CD3E: variants seen among roughly 807,000 people sequenced by gnomAD.
CD3E encodes the protein CD3 epsilon subunit of T-cell receptor complex.
Under a neutral mutation model 34.7 loss-of-function variants are expected in CD3E, and 16 were observed. The ratio of observed to expected loss-of-function variants is 0.46; its 90% CI spans 0.31 to 0.70. The LOEUF is 0.70. CD3E is among the 30% of genes least tolerant of loss of function. The probability of loss-of-function intolerance (pLI) is 0.05; values close to 1 mark genes in which losing one functional copy is unlikely to be tolerated. For missense variants in CD3E, 223 were observed against 253.9 expected, an observed-to-expected ratio of 0.88 and a Z score of 0.83; for synonymous variants, 70 against 90.8, an observed-to-expected ratio of 0.77 and a Z score of 1.30.
chr11:118,307,917 C>T (rs960166324), intron 3 of CD3E, among the ~76,000 whole-genome samples: 6 of 152,118 alleles, frequency 3.9e-5, no homozygotes, highest in African/African-American at 1.4e-4. Context: ...ACCTGTAATC[C>T]CAGCACTTTG....
intron 2 of CD3E, 25 bp from the exon 3 acceptor site, chr11:118,307,262 CT>C (rs563782349): frequency 5.1e-5 from 79 of 1,558,092 alleles, no homozygotes; most frequent in East Asian, 2.9e-4. Context: ...TTTACTAACA[CT>C]TTTTTTTTCT....
At chr11:118,312,273 T>C (rs1948139700) in intron 5 of CD3E, 103 bp downstream of exon 5, 15 of 1,020,312 alleles carry the variant, frequency 1.5e-5, no homozygotes, top group African/African-American at 3.2e-5. Flanking sequence ...AACTGATATC[T>C]TCCCAGCATT....
chr11:118,312,811 C>T lies in CD3E; in HGVS notation c.297C>T (p.Tyr99=), dbSNP rs143203193. 2 of 1,614,112 alleles carry T rather than the reference C, an allele frequency of 1.2e-6. No individual in the cohort carries two copies. Among genetic ancestry groups the T allele is most frequent in the Non-Finnish European group, 1.7e-6 (2 of 1,180,000 alleles). ...AGCAAAGTGGTTATTATGTCTGCTA[C>T]CCCAGAGGAAGCAAACCAGAAGATG... ...ELEQSGYYVC[Y]PRGSKPEDAN... is the part of the protein sequence containing the mutation. The change falls in exon 6 of 9, where the codon TAC becomes TAT. Residue 99 remains tyrosine (Y), a synonymous_variant. Coordinates refer to ENST00000361763, the MANE Select transcript of CD3E (RefSeq NM_000733.4).
intron 1 of CD3E, 34 bp from the exon 2 acceptor site, chr11:118,304,860 T>C: frequency 9.2e-7 from 1 of 1,087,720 alleles, no homozygotes; most frequent in Non-Finnish European, 1.4e-6. Flanking sequence ...TAGCAGATGT[T>C]TTGAAAAAGT....
intron 2 of CD3E, among the ~76,000 whole-genome samples, chr11:118,306,313 T>C (rs1035245304): frequency 2.6e-5 from 4 of 151,792 alleles, no homozygotes; most frequent in Admixed American, 1.3e-4. Flanking sequence ...CTGGGCAAAG[T>C]AGTGAAACCC....
chr11:118,305,847 C>T (rs537021799), intron 2 of CD3E, among the ~76,000 whole-genome samples: 1 of 152,168 alleles, frequency 6.6e-6, no homozygotes, highest in African/African-American at 2.4e-5. Flanking sequence ...CAAAATGGCT[C>T]GTGATGGTTT....
chr11:118,312,743 AGTG>A lies in CD3E; in HGVS notation c.230_232del (p.Ser77_Asp78delinsAsn), dbSNP rs1437626740. On this transcript the variant is annotated inframe_deletion, in exon 6 of 9. Coordinates refer to ENST00000361763, the MANE Select transcript of CD3E (RefSeq NM_000733.4). ...TGATGAGGATGATAAAAACATAGGC[AGTG>A]ATGAGGATCACCTGTCACTGAAGGA... 3.1e-6 allele frequency: 5 copies of A among 1,614,022 alleles called. No individual in the cohort carries two copies. The highest frequency in any genetic ancestry group is 1.7e-5 in the Admixed American group (1 of 60,010).
intron 8 of CD3E, 105 bp from the exon 9 acceptor site, chr11:118,315,381 A>G: frequency 1.0e-6 from 1 of 960,204 alleles, no homozygotes; most frequent in Non-Finnish European, 1.6e-6. Context: ...TCCTGACTTC[A>G]AGTCCAAAGT....
chr11:118,313,526 C>A (rs759977407), intron 6 of CD3E, 181 bp from the exon 7 acceptor site: 39 of 653,108 alleles, frequency 6.0e-5, no homozygotes, highest in Non-Finnish European at 6.3e-5. Flanking sequence ...AGTGCCTCTA[C>A]CCACGGCCAC....
chr11:118,310,514 C>A (rs1311576270), intron 4 of CD3E, among the ~76,000 whole-genome samples: 2 of 152,072 alleles, frequency 1.3e-5, no homozygotes, highest in Non-Finnish European at 2.9e-5. Flanking sequence ...TTTTTTTATC[C>A]AGTCTACCAC....
chr11:118,315,348 C>T (rs112837142), intron 8 of CD3E, 138 bp from the exon 9 acceptor site: 8 of 720,110 alleles, frequency 1.1e-5, no homozygotes, highest in Middle Eastern at 2.3e-4. Flanking sequence ...ACCGTCCATG[C>T]CAAATTAGAA....
intron 3 of CD3E, 62 bp from the exon 4 acceptor site, chr11:118,308,365 A>G: frequency 1.6e-6 from 2 of 1,276,498 alleles, no homozygotes; most frequent in Non-Finnish European, 2.3e-6. Flanking sequence ...CCACGGGAGC[A>G]GGGTCTGATC....
Position 118,315,527 on chromosome 11 carries a change from T to A in CD3E, c.609T>A (p.Asn203Lys), listed in dbSNP as rs1332785724. 6.2e-7 allele frequency: 1 copy of A among 1,613,104 alleles called. No individual in the cohort carries two copies. Among genetic ancestry groups the A allele is most frequent in the African/African-American group, 1.3e-5 (1 of 74,798 alleles). The change falls in exon 9 of 9, where the codon AAT becomes AAA. Residue 203 changes from asparagine (N) to lysine (K), a missense_variant. By Grantham distance (94) the Asn-to-Lys change is moderately conservative. Transcript: ENST00000361763. Reference protein sequence around the residue: ...KGQRDLYSGLNQRRI With the variant: ...KGQRDLYSGLKQRRI ...AGCGGGACCTGTATTCTGGCCTGAATCAGAGACGCATCTGACCCTCTGGAG... is the reference window on the plus strand; with the variant it reads ...AGCGGGACCTGTATTCTGGCCTGAAACAGAGACGCATCTGACCCTCTGGAG...
chr11:118,314,970 C>T (rs1357347504), intron 8 of CD3E, among the ~76,000 whole-genome samples: 2 of 73,096 alleles, frequency 2.7e-5, no homozygotes, highest in African/African-American at 4.1e-5. Context: ...TACACACACA[C>T]ACACACACAC....
intron 4 of CD3E, among the ~76,000 whole-genome samples, chr11:118,311,517 T>C (rs1948135535): frequency 2.0e-5 from 3 of 152,196 alleles, no homozygotes; most frequent in African/African-American, 7.2e-5. Flanking sequence ...AAGCATTCCC[T>C]CAAAACGTGT....
chr11:118,314,372 G>C (rs1034474475), intron 7 of CD3E, 76 bp from the exon 8 acceptor site: 1 of 1,214,302 alleles, frequency 8.2e-7, no homozygotes, highest in African/African-American at 1.5e-5. Context: ...TCTCTATCTG[G>C]GTCTCACTGG....
At chr11:118,305,530 A>G (rs1948100950) in intron 2 of CD3E, among the ~76,000 whole-genome samples, 1 of 152,210 alleles carries the variant, frequency 6.6e-6, no homozygotes, top group East Asian at 1.9e-4. Flanking sequence ...GCATTTCTGT[A>G]TCTCATATGA....
At chr11:118,312,022 G>C (rs549441338) in intron 4 of CD3E, 131 bp from the exon 5 acceptor site, 3 of 788,684 alleles carry the variant, frequency 3.8e-6, no homozygotes, top group Non-Finnish European at 6.9e-6. Context: ...AAGACTCGGG[G>C]TTCCTAAATG....
intron 8 of CD3E, 77 bp downstream of exon 8, chr11:118,314,571 C>G: frequency 7.3e-7 from 1 of 1,369,602 alleles, no homozygotes; most frequent in South Asian, 1.2e-5. Flanking sequence ...TGGGATGGCC[C>G]ATCTTGTCTG....
Sources: gnomAD v4.1 joint callset for allele counts (sites outside exome capture counted in the v4.1 genomes callset) on GRCh38, gnomAD v4.1.1 for gene constraint, MANE v1.5 for transcripts, NCBI Gene and HGNC (gene_info 2026-07-23, HGNC 2026-07-21) for gene names.